Variants in NELL2 observed in about 807,000 individuals in gnomAD.
NELL2 encodes the protein protein kinase C-binding protein NELL2.
Under a neutral mutation model 109.6 loss-of-function variants are expected in NELL2, and 41 were observed. The ratio of observed to expected loss-of-function variants is 0.37; its 90% CI spans 0.29 to 0.49. NELL2 has a LOEUF of 0.49. NELL2 is among the 20% of genes least tolerant of loss of function. The probability of loss-of-function intolerance (pLI) is 0.98; values close to 1 mark genes in which losing one functional copy is unlikely to be tolerated. For synonymous variants in NELL2, 355 were observed against 344.7 expected (o/e 1.03, Z -0.33); for missense variants, 900 against 1,008.3 (o/e 0.89, Z 1.45).
intron 3 of NELL2, 43 bp downstream of exon 3, chr12:44,815,943 C>T (rs369784660): frequency 8.9e-6 from 14 of 1,570,392 alleles, no homozygotes; most frequent in African/African-American, 2.8e-5. Flanking sequence ...TTCATTTAAC[C>T]ACATATAATG....
intron 1 of NELL2, among the ~76,000 whole-genome samples, chr12:44,887,989 C>G (rs2136866393): frequency 6.6e-6 from 1 of 151,992 alleles, no homozygotes; most frequent in South Asian, 2.1e-4. Context: ...GCCTTTAATC[C>G]ATTTTGATAT....
intron 9 of NELL2, among the ~76,000 whole-genome samples, chr12:44,717,094 AT>A (rs1566228911): frequency 6.6e-6 from 1 of 152,114 alleles, no homozygotes; most frequent in African/African-American, 2.4e-5. Flanking sequence ...AGTGATTTTT[AT>A]CTCATTTCTT....
intron 13 of NELL2, among the ~76,000 whole-genome samples, chr12:44,636,422 T>C (rs972927405): frequency 5.9e-5 from 9 of 152,176 alleles, no homozygotes; most frequent in African/African-American, 2.2e-4. Flanking sequence ...TATGAGTCTG[T>C]CATAAATAGC....
rs1943342167 is a variant in NELL2 at position 44,816,169 on chromosome 12, T to C, written c.185-33A>G. 2.6e-6 allele frequency: 4 copies of C among 1,523,762 alleles called. No individual in the cohort carries two copies. The African/African-American group carries it at 4.2e-5, about 16-fold the overall frequency. The allele number at this position is 1,523,762 out of a possible 1,614,324, so 94.4% of individuals were successfully genotyped here. A position where few individuals can be genotyped will look rare whatever the true frequency, so the allele number is the denominator to read the frequency against. On this transcript the variant is annotated intron_variant, in intron 2 of 19. Transcript: ENST00000429094. Reference sequence around the variant, plus strand: ...AGAAACAAACATATACTAAGAATAGTAGAATTTGATTTTATGAAGTATCTT... The same window carrying C: ...AGAAACAAACATATACTAAGAATAGCAGAATTTGATTTTATGAAGTATCTT...
At chr12:44,682,529 T>C (rs1470544045) in intron 12 of NELL2, among the ~76,000 whole-genome samples, 2 of 152,236 alleles carry the variant, frequency 1.3e-5, no homozygotes, top group African/African-American at 2.4e-5. Flanking sequence ...CTAGGTTTTC[T>C]TCTAGGGTTT....
intron 2 of NELL2, among the ~76,000 whole-genome samples, chr12:44,831,170 A>T (rs768093588): frequency 7.2e-5 from 11 of 152,060 alleles, no homozygotes; most frequent in Non-Finnish European, 1.6e-4. Context: ...AATACAGAAG[A>T]TTCACTTACT....
At chr12:44,809,462 C>T (rs1325696155) in intron 3 of NELL2, among the ~76,000 whole-genome samples, 1 of 152,026 alleles carries the variant, frequency 6.6e-6, no homozygotes, top group East Asian at 1.9e-4. Flanking sequence ...TTTCCAACAA[C>T]TGCCATATAT....
At chr12:44,518,141 A>C (rs1484954686) in intron 19 of NELL2, among the ~76,000 whole-genome samples, 1 of 152,234 alleles carries the variant, frequency 6.6e-6, no homozygotes, top group Non-Finnish European at 1.5e-5. Context: ...ACAGAAAGAA[A>C]TGACTTTAAT....
chr12:44,776,154 T>TGGCA lies in NELL2; in HGVS notation c.763-8_763-5dup. On this transcript the variant is annotated splice_region_variant and splice_polypyrimidine_tract_variant and intron_variant, in intron 7 of 19. Transcript: ENST00000429094. Reference sequence around the variant, plus strand: ...TTCGCTGTTCAGCTCGAGACAGCTGTGGCACAAAAGAACGGGTTTTACATT... The same window carrying TGGCA: ...TTCGCTGTTCAGCTCGAGACAGCTGTGGCAGGCACAAAAGAACGGGTTTTACATT... 1 of 1,613,252 alleles carries TGGCA rather than the reference T, an allele frequency of 6.2e-7. No homozygotes were observed. The highest frequency in any genetic ancestry group is 1.7e-5 in the Admixed American group (1 of 59,830).
At chr12:44,676,761 G>A (rs1377534961) in intron 12 of NELL2, among the ~76,000 whole-genome samples, 1 of 151,990 alleles carries the variant, frequency 6.6e-6, no homozygotes, top group Non-Finnish European at 1.5e-5. Flanking sequence ...TCTCAGACAG[G>A]GTTGAGAGTG....
At chr12:44,648,309 A>C (rs1947170366) in intron 13 of NELL2, among the ~76,000 whole-genome samples, 1 of 152,162 alleles carries the variant, frequency 6.6e-6, no homozygotes, top group South Asian at 2.1e-4. Context: ...CCCTCAGCCC[A>C]AAAAAGCTAA....
intron 15 of NELL2, among the ~76,000 whole-genome samples, chr12:44,545,002 A>G (rs895785039): frequency 6.6e-6 from 1 of 152,068 alleles, no homozygotes; most frequent in African/African-American, 2.4e-5. Flanking sequence ...GGAGGTAGGA[A>G]GAAGATCACA....
chr12:44,804,604 G>A (rs750596982), intron 3 of NELL2, among the ~76,000 whole-genome samples: 1 of 151,790 alleles, frequency 6.6e-6, no homozygotes, highest in South Asian at 2.1e-4. Flanking sequence ...ATTTTTAAAT[G>A]AGCCCTTTGT....
intron 2 of NELL2, 25 bp downstream of exon 2, chr12:44,875,200 T>C: frequency 1.4e-5 from 23 of 1,599,652 alleles, no homozygotes; most frequent in Non-Finnish European, 1.9e-5. Flanking sequence ...GAAATCACAG[T>C]GGGGATGCAG....
At chr12:44,868,668 T>C (rs529568469) in intron 2 of NELL2, among the ~76,000 whole-genome samples, 3 of 152,260 alleles carry the variant, frequency 2.0e-5, no homozygotes, top group East Asian at 1.9e-4. Flanking sequence ...ATCTCACTTA[T>C]ATGTGGGACC....
intron 15 of NELL2, among the ~76,000 whole-genome samples, chr12:44,564,606 C>G (rs1326344354): frequency 6.6e-6 from 1 of 152,172 alleles, no homozygotes. Flanking sequence ...CACACACACA[C>G]ACATACAAAC....
At chr12:44,763,841 T>C (rs1239476721) in intron 9 of NELL2, among the ~76,000 whole-genome samples, 8 of 151,980 alleles carry the variant, frequency 5.3e-5, no homozygotes, top group African/African-American at 1.9e-4. Context: ...ATTGCTTTTA[T>C]TAATCTTCTT....
At chr12:44,849,224 T>C (rs1944460873) in intron 2 of NELL2, among the ~76,000 whole-genome samples, 1 of 151,822 alleles carries the variant, frequency 6.6e-6, no homozygotes, top group Non-Finnish European at 1.5e-5. Flanking sequence ...TTCCTGCTCA[T>C]CAAAGAAATC....
chr12:44,536,347 A>G (rs994801793), intron 15 of NELL2, among the ~76,000 whole-genome samples: 2 of 152,060 alleles, frequency 1.3e-5, no homozygotes, highest in African/African-American at 4.8e-5. Context: ...ATGCACACAT[A>G]TTTTGAAGTA....
Sources: allele counts gnomAD v4.1 joint callset (sites outside exome capture counted in the v4.1 genomes callset), GRCh38; gene constraint gnomAD v4.1.1; transcripts MANE v1.5; gene names NCBI Gene and HGNC (gene_info 2026-07-23, HGNC 2026-07-21).